The following GPC6 variants were observed in gnomAD, a reference collection of about 807,000 sequenced individuals.
The protein encoded by GPC6 is glypican-6.
In GPC6, 14 loss-of-function variants were observed where a neutral mutation model predicts 55.2. The ratio of observed to expected loss-of-function variants is 0.25; its 90% confidence interval spans 0.17 to 0.40. The LOEUF (loss-of-function observed/expected upper bound fraction) is 0.40. Among genes scored for constraint, GPC6 ranks in the 10% least tolerant of loss-of-function variants. The probability of loss-of-function intolerance (pLI) is 1.00; values close to 1 mark genes in which losing one functional copy is unlikely to be tolerated. For synonymous variants in GPC6, 278 were observed against 259.6 expected, an observed-to-expected ratio of 1.07 and a Z score of -0.68; for missense variants, 641 against 708.5, an observed-to-expected ratio of 0.90 and a Z score of 1.08.
chr13:93,650,919 T>C (rs2139598625), intron 2 of GPC6, among the ~76,000 whole-genome samples: 1 of 152,298 alleles, frequency 6.6e-6, no homozygotes, highest in Admixed American at 6.5e-5. Flanking sequence ...CTGTCAGCAC[T>C]ATTAATTGTG....
intron 2 of GPC6, among the ~76,000 whole-genome samples, chr13:93,789,625 A>AG: frequency 1.7e-5 from 2 of 114,912 alleles, no homozygotes; most frequent in Non-Finnish European, 3.5e-5. Flanking sequence ...ATATATATAT[A>AG]TATATATATA....
At chr13:93,632,143 T>G (rs753568120) in intron 2 of GPC6, among the ~76,000 whole-genome samples, 1 of 152,190 alleles carries the variant, frequency 6.6e-6, no homozygotes, top group African/African-American at 2.4e-5. Context: ...TTTAAAACAT[T>G]GGATTGCCTC....
intron 2 of GPC6, among the ~76,000 whole-genome samples, chr13:93,729,735 G>T (rs1350144541): frequency 1.3e-5 from 2 of 152,110 alleles, no homozygotes; most frequent in African/African-American, 2.4e-5. Flanking sequence ...CAACATAAAT[G>T]CTTACATATG....
At chr13:93,242,695 GCTC>G (rs1200258861) in intron 1 of GPC6, among the ~76,000 whole-genome samples, 1 of 152,138 alleles carries the variant, frequency 6.6e-6, no homozygotes, top group Admixed American at 6.5e-5. Flanking sequence ...AGTTGCAGCT[GCTC>G]CTAGCCCACA....
At chr13:94,215,887 A>G (rs559534435) in intron 4 of GPC6, among the ~76,000 whole-genome samples, 13 of 152,306 alleles carry the variant, frequency 8.5e-5, no homozygotes, top group South Asian at 8.3e-4. Context: ...AACTTCGTTA[A>G]TAGTAAGATA....
rs370162484 is a variant in GPC6, at chr13:94,197,821, A to G, written c.878-88528A>G. ...CACCCACAACAAATATACATTTAGC[A>G]TCAAAATAATGAATAAACAATTTTA... On this transcript the variant is annotated intron_variant, in intron 4 of 8. Transcript: ENST00000377047. Among the ~76,000 whole-genome samples the G allele has an allele frequency of 2.6e-5, 4 of 152,328 alleles. No individual in the cohort carries two copies. In the South Asian group the frequency reaches 6.2e-4, roughly 24 times the overall value.
At chr13:93,475,612 A>G (rs1879275957) in intron 1 of GPC6, among the ~76,000 whole-genome samples, 1 of 152,228 alleles carries the variant, frequency 6.6e-6, no homozygotes, top group South Asian at 2.1e-4. Flanking sequence ...GCAAGGGAAA[A>G]TAACCTGTTG....
chr13:93,217,782 G>A, the GPC6 span, among the ~76,000 whole-genome samples: 16 of 152,132 alleles, frequency 1.1e-4, no homozygotes, highest in Middle Eastern at 3.4e-3. Flanking sequence ...CGAACATGCC[G>A]GTACATGTTT....
rs186372154 is a variant in GPC6 at position 93,341,933 on chromosome 13, T to C, written c.160+114317T>C. ...TTTTTTTTTCTTTCTTTTTTTTTTT[T>C]TAAGATGGAGTCTCACTCGGTTGCC... is the stretch of plus-strand genomic sequence containing the variant. On this transcript the variant is annotated intron_variant, in intron 1 of 8. Transcript: ENST00000377047. Among the ~76,000 whole-genome samples, 789 of 151,680 alleles carry C rather than the reference T, an allele frequency of 5.2e-3. 6 individuals are homozygous for C. Among genetic ancestry groups the C allele is most frequent in the African/African-American group, 0.018 (763 of 41,368 alleles).
intron 3 of GPC6, among the ~76,000 whole-genome samples, chr13:94,015,470 A>T (rs1393148693): frequency 6.6e-6 from 1 of 152,132 alleles, no homozygotes; most frequent in African/African-American, 2.4e-5. Flanking sequence ...TCTATTGGTT[A>T]TCATGTTACT....
At chr13:93,414,382 A>G (rs1388218937) in intron 1 of GPC6, among the ~76,000 whole-genome samples, 1 of 152,088 alleles carries the variant, frequency 6.6e-6, no homozygotes, top group African/African-American at 2.4e-5. Context: ...AGCATGCACT[A>G]TTATCACTGG....
intron 1 of GPC6, among the ~76,000 whole-genome samples, chr13:93,392,160 A>G (rs902707883): frequency 7.2e-5 from 11 of 152,280 alleles, no homozygotes; most frequent in East Asian, 5.8e-4. Flanking sequence ...ATCCTGTTCA[A>G]TTAAGCTGAT....
At chr13:94,029,013 G>T (rs914509244) in intron 4 of GPC6, among the ~76,000 whole-genome samples, 1 of 152,196 alleles carries the variant, frequency 6.6e-6, no homozygotes, top group African/African-American at 2.4e-5. Flanking sequence ...AGTGGCATTT[G>T]TCAGCCTCTG....
At chr13:94,400,704 A>G (rs1190827475) in intron 8 of GPC6, among the ~76,000 whole-genome samples, 2 of 152,204 alleles carry the variant, frequency 1.3e-5, no homozygotes, top group Non-Finnish European at 2.9e-5. Flanking sequence ...GCAGCTAAGG[A>G]TGGCCCTGGT....
intron 2 of GPC6, among the ~76,000 whole-genome samples, chr13:93,720,163 G>A (rs1453383596): frequency 6.6e-6 from 1 of 152,088 alleles, no homozygotes; most frequent in Non-Finnish European, 1.5e-5. Context: ...AATGGTACCA[G>A]CTCCTTTTTG....
rs192568355 is a variant in GPC6, at chr13:93,773,853, T to C, written c.320-56301T>C. Among the ~76,000 whole-genome samples the C allele has an allele frequency of 3.5e-3, 527 of 152,314 alleles. 3 individuals are homozygous for C. Among genetic ancestry groups the C allele is most frequent in the African/African-American group, 0.012 (511 of 41,588 alleles). On this transcript the variant is annotated intron_variant, in intron 2 of 8. Transcript: ENST00000377047. The stretch of plus-strand genomic sequence containing the variant: ...TCATCAAAAAGGAATGGGATGAAAG[T>C]ACAACTTGCCAGCAGAGCAACTTAA...
intron 1 of GPC6, among the ~76,000 whole-genome samples, chr13:93,285,109 G>C (rs1024631666): frequency 1.2e-4 from 18 of 152,274 alleles, no homozygotes; most frequent in African/African-American, 2.6e-4. Flanking sequence ...TTACATAGTG[G>C]GACAGGGAGA....
chr13:93,471,356 T>C (rs1217892916), intron 1 of GPC6, among the ~76,000 whole-genome samples: 1 of 14,606 alleles, frequency 6.8e-5, no homozygotes, highest in Non-Finnish European at 1.5e-4. Context: ...CTTCTAAAAA[T>C]ACAAAAAAAA....
At chr13:93,232,581 C>T (rs560771755) in intron 1 of GPC6, among the ~76,000 whole-genome samples, 1 of 152,260 alleles carries the variant, frequency 6.6e-6, no homozygotes, top group Admixed American at 6.5e-5. Context: ...CATAAAATAT[C>T]TCTCAACTGC....
Sources: gnomAD v4.1 joint callset for allele counts (sites outside exome capture counted in the v4.1 genomes callset) on GRCh38, gnomAD v4.1.1 for gene constraint, MANE v1.5 for transcripts, NCBI Gene and HGNC (gene_info 2026-07-23, HGNC 2026-07-21) for gene names.